GRM7: variants seen among roughly 807,000 people sequenced by gnomAD.
GRM7 encodes metabotropic glutamate receptor 7.
GRM7 carries 35 observed loss-of-function variants against 84.5 expected under a neutral mutation model. The observed-to-expected ratio is 0.41, with a 90% CI of 0.32 to 0.55. The LOEUF (loss-of-function observed/expected upper bound fraction) is 0.55. Ranked by LOEUF, GRM7 falls within the 20% of genes least tolerant of loss-of-function variation. The pLI, the probability that GRM7 is intolerant of heterozygous loss-of-function variation, is 0.19. For synonymous variants in GRM7, 487 were observed against 455.1 expected, an observed-to-expected ratio of 1.07 and a Z score of -0.89; for missense variants, 1,003 against 1,194.6, an observed-to-expected ratio of 0.84 and a Z score of 2.36.
At chr3:7,538,773 T>G (rs971164996) in intron 7 of GRM7, among the ~76,000 whole-genome samples, 2 of 152,196 alleles carry the variant, frequency 1.3e-5, no homozygotes, top group Admixed American at 6.5e-5. Flanking sequence ...AGAAGGCATA[T>G]TGGCTGTTTC....
chr3:6,886,095 T>TTGTG (rs34466069), intron 1 of GRM7, among the ~76,000 whole-genome samples: 73,455 of 150,910 alleles, frequency 0.49, 18,144 homozygotes, highest in African/African-American at 0.57. Flanking sequence ...ATAGTTACCA[T>TTGTG]TGTGTGTGTG....
intron 7 of GRM7, among the ~76,000 whole-genome samples, chr3:7,577,252 G>A (rs1183416688): frequency 1.3e-5 from 2 of 152,144 alleles, no homozygotes; most frequent in African/African-American, 4.8e-5. Flanking sequence ...AGCATCACCT[G>A]GGATCGTGTT....
chr3:7,146,090 T>C (rs973821492), intron 1 of GRM7, among the ~76,000 whole-genome samples: 1 of 152,200 alleles, frequency 6.6e-6, no homozygotes, highest in Non-Finnish European at 1.5e-5. Flanking sequence ...AGCCAGGTTG[T>C]TGTATTTTTA....
At chr3:7,224,375 A>G (rs1405895978) in intron 2 of GRM7, among the ~76,000 whole-genome samples, 1 of 152,184 alleles carries the variant, frequency 6.6e-6, no homozygotes, top group Non-Finnish European at 1.5e-5. Flanking sequence ...GTGCTAACCC[A>G]TTTATGAGAA....
intron 2 of GRM7, among the ~76,000 whole-genome samples, chr3:7,167,745 G>A (rs1012196189): frequency 7.9e-5 from 12 of 151,790 alleles, no homozygotes; most frequent in African/African-American, 1.7e-4. Context: ...CGAGGCGGGC[G>A]GATCACGAGG....
chr3:7,196,215 G>A (rs1416377038), intron 2 of GRM7, among the ~76,000 whole-genome samples: 1 of 152,132 alleles, frequency 6.6e-6, no homozygotes, highest in African/African-American at 2.4e-5. Context: ...TTGCTCCAGA[G>A]AAGAGTTTTT....
In GRM7 at chr3:6,997,868, C is replaced by T. The variant is rs140482657; in HGVS notation, c.519+135961C>T. 3.5e-3 allele frequency among the ~76,000 whole-genome samples: 529 copies of T among 151,936 alleles called. 2 individuals are homozygous for T. The highest frequency in any genetic ancestry group is 0.012 in the African/African-American group (507 of 41,430). ...AAGTTAGGGCCAGGTGTCTGTAATC[C>T]CAGCACTTTGGGAGGCTGAGGAGGG... On this transcript the variant is annotated intron_variant, in intron 1 of 9. Coordinates refer to ENST00000357716, the MANE Select transcript of GRM7 (RefSeq NM_000844.4).
chr3:7,591,413 A>G (rs1266564842), intron 8 of GRM7: 1 of 427,334 alleles, frequency 2.3e-6, no homozygotes, highest in Non-Finnish European at 4.6e-6. Context: ...GAATATTTTT[A>G]TTGTTTACAA....
chr3:7,099,232 ATACATGTATATATGAATACATGTATT>A (rs1446283684), intron 1 of GRM7, among the ~76,000 whole-genome samples: 19 of 113,412 alleles, frequency 1.7e-4, no homozygotes, highest in African/African-American at 1.0e-3. Context: ...TACATGTATT[ATACATGTATATATGAATACATGTATT>A]ATACATGTAT....
intron 1 of GRM7, among the ~76,000 whole-genome samples, chr3:7,024,034 A>C (rs1695881722): frequency 6.6e-6 from 1 of 152,180 alleles, no homozygotes. Context: ...CCAGGGCAGC[A>C]GGCCCACTCC....
At chr3:7,077,247 C>G (rs1376191522) in intron 1 of GRM7, among the ~76,000 whole-genome samples, 2 of 152,174 alleles carry the variant, frequency 1.3e-5, no homozygotes, top group Non-Finnish European at 2.9e-5. Flanking sequence ...GATTATAAAT[C>G]ATTCTACTGT....
chr3:6,943,830 G>T (rs1223730814), intron 1 of GRM7, among the ~76,000 whole-genome samples: 1 of 152,050 alleles, frequency 6.6e-6, no homozygotes, highest in Non-Finnish European at 1.5e-5. Flanking sequence ...AGGTAACTCA[G>T]TTTATTTAGG....
At chr3:7,490,289 T>C (rs971180915) in intron 7 of GRM7, among the ~76,000 whole-genome samples, 1 of 152,186 alleles carries the variant, frequency 6.6e-6, no homozygotes, top group Non-Finnish European at 1.5e-5. Context: ...AATAAAGTTA[T>C]AGCACAAAAT....
chr3:7,577,239 A>G (rs1241350875), intron 7 of GRM7, among the ~76,000 whole-genome samples: 2 of 152,228 alleles, frequency 1.3e-5, no homozygotes, highest in East Asian at 3.8e-4. Flanking sequence ...AACAATCCTC[A>G]GCAGCATCAC....
rs1056422527 is a variant in GRM7, at chr3:7,465,617, G to T, written c.1515+3895G>T. ...GAGTGGAATTTGGGCAAACGGTTTTGTAGGTTTGCTTTCCTCTAGTCAATG... is the reference window on the plus strand; with the variant it reads ...GAGTGGAATTTGGGCAAACGGTTTTTTAGGTTTGCTTTCCTCTAGTCAATG... On this transcript the variant is annotated intron_variant, in intron 7 of 9. Coordinates refer to ENST00000357716, the MANE Select transcript of GRM7 (RefSeq NM_000844.4). 9.2e-5 allele frequency among the ~76,000 whole-genome samples: 14 copies of T among 152,230 alleles called. No homozygotes were observed. In the South Asian group the frequency reaches 2.3e-3, roughly 25 times the overall value.
chr3:7,451,206 A>G (rs1697752997), intron 5 of GRM7, among the ~76,000 whole-genome samples: 1 of 152,216 alleles, frequency 6.6e-6, no homozygotes. Context: ...GTACTTAATG[A>G]ATGCATAATT....
At chr3:6,977,635 T>G (rs1377671807) in intron 1 of GRM7, among the ~76,000 whole-genome samples, 2 of 152,092 alleles carry the variant, frequency 1.3e-5, no homozygotes, top group Non-Finnish European at 2.9e-5. Flanking sequence ...TTTAAAACAA[T>G]CTAAGTTGTA....
chr3:7,582,268 A>C (rs1695291681), intron 8 of GRM7, among the ~76,000 whole-genome samples: 1 of 152,214 alleles, frequency 6.6e-6, no homozygotes, highest in African/African-American at 2.4e-5. Context: ...TGCCTCAGGT[A>C]GGGAACATAC....
chr3:7,202,959 A>G (rs1269964373), intron 2 of GRM7, among the ~76,000 whole-genome samples: 1 of 152,200 alleles, frequency 6.6e-6, no homozygotes, highest in African/African-American at 2.4e-5. Flanking sequence ...TCTATTATTA[A>G]TGGTGTACAT....
Sources: gnomAD v4.1 joint callset for allele counts (sites outside exome capture counted in the v4.1 genomes callset) on GRCh38, gnomAD v4.1.1 for gene constraint, MANE v1.5 for transcripts, NCBI Gene and HGNC (gene_info 2026-07-23, HGNC 2026-07-21) for gene names.